The following DNAI7 variants were observed in gnomAD, a reference collection of about 807,000 sequenced individuals.
DNAI7 encodes the protein dynein axonemal intermediate chain 7.
DNAI7 carries 78 observed loss-of-function variants against 86.6 expected under a neutral mutation model. The ratio of observed to expected loss-of-function variants is 0.90; its 90% CI spans 0.75 to 1.09. DNAI7 has a LOEUF of 1.09. Among genes scored for constraint, DNAI7 ranks in the 50% least tolerant of loss-of-function variants. DNAI7 has a pLI of 0.00. For missense variants in DNAI7, 753 were observed against 810.2 expected (o/e 0.93, Z 0.86); for synonymous variants, 274 against 273.0 (o/e 1.00, Z -0.04).
intron 12 of DNAI7, among the ~76,000 whole-genome samples, chr12:25,116,707 C>A (rs1206884835): frequency 4.0e-5 from 6 of 151,830 alleles, no homozygotes; most frequent in Non-Finnish European, 8.8e-5. Context: ...GTTGGCCAGG[C>A]TGGTCTCGAA....
At chr12:25,119,438 G>A in intron 11 of DNAI7, 137 bp from the exon 12 acceptor site, 3 of 504,058 alleles carry the variant, frequency 6.0e-6, no homozygotes, top group Non-Finnish European at 1.0e-5. Context: ...TTAACAAAAT[G>A]TCACAACAAA....
intron 2 of DNAI7, among the ~76,000 whole-genome samples, chr12:25,186,351 T>C (rs73286888): frequency 0.02 from 3,062 of 152,248 alleles, 83 homozygotes; most frequent in African/African-American, 0.07. Flanking sequence ...CTTTCTTCAT[T>C]AAAAAATTAA....
In DNAI7 at chr12:25,154,208, G is replaced by T. The variant is rs1245877520; in HGVS notation, c.438+111C>A. On this transcript the variant is annotated intron_variant, in intron 6 of 15. Transcript: ENST00000395987. ...TTACCAATTACTTCTTTTGCTAAGGGTTCAAAAGCAGTAGTGTTATTACTT... is the reference window on the plus strand; with the variant it reads ...TTACCAATTACTTCTTTTGCTAAGGTTTCAAAAGCAGTAGTGTTATTACTT... 14 of 819,806 alleles carry T rather than the reference G, an allele frequency of 1.7e-5. No homozygotes were observed. In the South Asian group the frequency reaches 2.4e-4, roughly 14 times the overall value. The allele number at this position is 819,806 out of a possible 1,614,324, so 50.8% of individuals were successfully genotyped here.
chr12:25,109,246 A>AAAAT (rs1949570672), intron 15 of DNAI7, among the ~76,000 whole-genome samples: 1 of 152,232 alleles, frequency 6.6e-6, no homozygotes, highest in South Asian at 2.1e-4. Flanking sequence ...TGTTTAGGCC[A>AAAAT]AAATATTCAT....
intron 2 of DNAI7, among the ~76,000 whole-genome samples, chr12:25,177,737 C>T (rs1949106043): frequency 6.6e-6 from 1 of 152,092 alleles, no homozygotes; most frequent in Non-Finnish European, 1.5e-5. Context: ...AGTAGTTATT[C>T]TAATTTACAC....
intron 2 of DNAI7, among the ~76,000 whole-genome samples, chr12:25,166,688 T>G (rs1947516382): frequency 6.6e-6 from 1 of 152,116 alleles, no homozygotes; most frequent in East Asian, 1.9e-4. Flanking sequence ...TAGGCATGGT[T>G]AGTGTGGTCA....
At chr12:25,159,479 A>C (rs1362008518) in intron 3 of DNAI7, among the ~76,000 whole-genome samples, 1 of 152,170 alleles carries the variant, frequency 6.6e-6, no homozygotes, top group East Asian at 1.9e-4. Context: ...CTTTGTGGTC[A>C]AAAATAAAAA....
At chr12:25,147,549 G>T (rs1164408171) in intron 7 of DNAI7, among the ~76,000 whole-genome samples, 2 of 152,082 alleles carry the variant, frequency 1.3e-5, no homozygotes, top group African/African-American at 4.8e-5. Context: ...CTGGCAGCTG[G>T]GAGGATCCTA....
At chr12:25,186,203 CAT>C (rs1251080321) in intron 2 of DNAI7, among the ~76,000 whole-genome samples, 1 of 152,122 alleles carries the variant, frequency 6.6e-6, no homozygotes, top group African/African-American at 2.4e-5. Flanking sequence ...CATCAGGTAT[CAT>C]AACCTTTTCT....
intron 9 of DNAI7, among the ~76,000 whole-genome samples, chr12:25,123,612 T>C (rs761998632): frequency 6.6e-5 from 10 of 152,274 alleles, no homozygotes; most frequent in Middle Eastern, 3.4e-3. Context: ...ATCCAGGAGG[T>C]AGATTTTGCT....
intron 9 of DNAI7, among the ~76,000 whole-genome samples, chr12:25,127,734 T>A (rs1942347426): frequency 6.6e-6 from 1 of 152,180 alleles, no homozygotes; most frequent in African/African-American, 2.4e-5. Flanking sequence ...ACAGATAGTA[T>A]AACATAGAAA....
intron 2 of DNAI7, among the ~76,000 whole-genome samples, chr12:25,170,740 C>A (rs571005106): frequency 1.3e-5 from 2 of 152,246 alleles, no homozygotes; most frequent in East Asian, 3.9e-4. Context: ...ATAAAATGAG[C>A]CTCAATACAT....
chr12:25,109,570 G>T (rs1949616728), intron 15 of DNAI7, among the ~76,000 whole-genome samples: 1 of 151,882 alleles, frequency 6.6e-6, no homozygotes, highest in African/African-American at 2.4e-5. Context: ...ATTTGTTCTT[G>T]AGTCAATTTG....
At chr12:25,184,398 C>G (rs1949837063) in intron 2 of DNAI7, among the ~76,000 whole-genome samples, 1 of 152,088 alleles carries the variant, frequency 6.6e-6, no homozygotes, top group East Asian at 1.9e-4. Flanking sequence ...TTGTGACTGG[C>G]TTCTTCCATT....
At chr12:25,141,988 C>A (rs1409747786) in intron 9 of DNAI7, among the ~76,000 whole-genome samples, 4 of 152,148 alleles carry the variant, frequency 2.6e-5, no homozygotes, top group Non-Finnish European at 5.9e-5. Context: ...ATCCAGCAAT[C>A]CCAGTACTGG....
At chr12:25,168,205 C>T (rs932834042) in intron 2 of DNAI7, among the ~76,000 whole-genome samples, 2 of 152,142 alleles carry the variant, frequency 1.3e-5, no homozygotes, top group African/African-American at 2.4e-5. Flanking sequence ...AGTTTTGCCT[C>T]GCACAAGGTC....
At position 25,111,919 on chromosome 12, in the gene DNAI7, A is replaced by C. The variant is rs1938915415; in HGVS notation, c.1632T>G (p.Ser544=). Residue 544 remains serine, a synonymous_variant, in exon 14 of 16, where the codon TCT becomes TCG. Coordinates refer to ENST00000395987, the MANE Select transcript of DNAI7 (RefSeq NM_018272.5). Reference sequence around the variant, plus strand: ...GTTTCTTGTCTTTTAGTTTGATTGAAGATAACATGCAGAGGTTTTCCTAGT... The same window carrying C: ...GTTTCTTGTCTTTTAGTTTGATTGACGATAACATGCAGAGGTTTTCCTAGT... ...IQIKENLCML[S]SIKLKDKKHI... is the part of the protein sequence containing the mutation. 1 of 1,595,518 alleles carries C rather than the reference A, an allele frequency of 6.3e-7. No individual in the cohort carries two copies. Among genetic ancestry groups the C allele is most frequent in the Non-Finnish European group, 8.5e-7 (1 of 1,172,480 alleles).
chr12:25,182,627 C>CACACAT (rs768375184), intron 2 of DNAI7, among the ~76,000 whole-genome samples: 169 of 151,624 alleles, frequency 1.1e-3, no homozygotes, highest in Non-Finnish European at 1.1e-3. Flanking sequence ...CACACACACA[C>CACACAT]ACACACACAC....
intron 2 of DNAI7, among the ~76,000 whole-genome samples, chr12:25,164,782 T>A (rs1178731149): frequency 6.6e-6 from 1 of 152,008 alleles, no homozygotes; most frequent in African/African-American, 2.4e-5. Flanking sequence ...ATCTTTCTTT[T>A]CTACAGACCC....
Sources: allele counts gnomAD v4.1 joint callset (sites outside exome capture counted in the v4.1 genomes callset), GRCh38; gene constraint gnomAD v4.1.1; transcripts MANE v1.5; gene names NCBI Gene and HGNC (gene_info 2026-07-23, HGNC 2026-07-21).